The following CTNNA3 variants were observed in gnomAD, a reference collection of about 807,000 sequenced individuals.
CTNNA3 encodes catenin alpha-3.
A neutral mutation model predicts 95.7 loss-of-function variants in CTNNA3; 76 were observed. The observed-to-expected ratio is 0.79, with a 90% confidence interval of 0.66 to 0.96. The LOEUF is 0.96. Ranked by LOEUF, CTNNA3 falls within the 40% of genes least tolerant of loss-of-function variation. The pLI is 0.00. For missense variants in CTNNA3, 1,191 were observed against 1,089.8 expected, an observed-to-expected ratio of 1.09 and a Z score of -1.31; for synonymous variants, 431 against 374.4, an observed-to-expected ratio of 1.15 and a Z score of -1.74.
intron 15 of CTNNA3, among the ~76,000 whole-genome samples, chr10:66,001,100 A>C (rs533016148): frequency 1.6e-4 from 24 of 152,276 alleles, no homozygotes; most frequent in Admixed American, 1.4e-3. Context: ...CAAGGAATAC[A>C]GCCTAAATCT....
chr10:67,417,428 C>A (rs796387610), intron 5 of CTNNA3, among the ~76,000 whole-genome samples: 3 of 152,216 alleles, frequency 2.0e-5, no homozygotes, highest in Middle Eastern at 6.8e-3. Context: ...TGCACATGTA[C>A]CCCCTGTATC....
At chr10:66,145,662 G>A (rs1010532556) in intron 13 of CTNNA3, among the ~76,000 whole-genome samples, 1 of 152,152 alleles carries the variant, frequency 6.6e-6, no homozygotes, top group African/African-American at 2.4e-5. Flanking sequence ...TGGACCTGCT[G>A]AGCCAGCTTA....
At chr10:66,097,856 T>C (rs942575831) in intron 14 of CTNNA3, 3 of 152,172 alleles carry the variant, frequency 2.0e-5, no homozygotes, top group African/African-American at 4.8e-5. Context: ...ATTCTCGTTT[T>C]ATTGAAACAT....
intron 1 of CTNNA3, among the ~76,000 whole-genome samples, chr10:67,690,177 T>C (rs1840815222): frequency 6.6e-6 from 1 of 152,128 alleles, no homozygotes; most frequent in Non-Finnish European, 1.5e-5. Flanking sequence ...ACCTTCACAG[T>C]GAGTGTTACG....
At position 66,505,813 on chromosome 10, in the gene CTNNA3, C is replaced by T. The variant is rs185567473; in HGVS notation, c.1531+14804G>A. On this transcript the variant is annotated intron_variant, in intron 11 of 17. Transcript: ENST00000433211. ...ATCACTTACTTCTACAAGAAGTTGGCGTCTGGAGATGGTGTTCTAAAAACT... is the reference window on the plus strand; with the variant it reads ...ATCACTTACTTCTACAAGAAGTTGGTGTCTGGAGATGGTGTTCTAAAAACT... Among the ~76,000 whole-genome samples the T allele has an allele frequency of 5.2e-4, 79 of 152,148 alleles. 1 individual carries two copies. The highest frequency in any genetic ancestry group is 1.2e-3 in the African/African-American group (50 of 41,490).
intron 9 of CTNNA3, among the ~76,000 whole-genome samples, chr10:66,714,006 A>C (rs1463448395): frequency 6.6e-6 from 1 of 152,148 alleles, no homozygotes; most frequent in African/African-American, 2.4e-5. Context: ...GATAGAATAT[A>C]ATGAAGTAAA....
At chr10:67,371,499 A>G (rs1356145196) in intron 5 of CTNNA3, among the ~76,000 whole-genome samples, 1 of 150,886 alleles carries the variant, frequency 6.6e-6, no homozygotes, top group Non-Finnish European at 1.5e-5. Context: ...TTGTCCTTGC[A>G]ATAGTTTGCT....
intron 6 of CTNNA3, among the ~76,000 whole-genome samples, chr10:67,209,133 C>T (rs1001866239): frequency 6.6e-6 from 1 of 152,168 alleles, no homozygotes; most frequent in African/African-American, 2.4e-5. Context: ...ACTGCAACCT[C>T]TGCCTCCTGA....
chr10:66,760,736 A>C (rs1374374737), intron 9 of CTNNA3, among the ~76,000 whole-genome samples: 1 of 152,178 alleles, frequency 6.6e-6, no homozygotes, highest in East Asian at 1.9e-4. Flanking sequence ...CTCACCGTGC[A>C]TTTGGTTAGG....
At chr10:66,070,259 C>A (rs1041414228) in intron 14 of CTNNA3, among the ~76,000 whole-genome samples, 4 of 152,146 alleles carry the variant, frequency 2.6e-5, no homozygotes, top group Non-Finnish European at 4.4e-5. Flanking sequence ...AGAGGAGCAA[C>A]TTTTACTACT....
rs1465722076 is a variant in CTNNA3 at position 67,073,678 on chromosome 10, G to A, written c.1047+106639C>T. ...AGAGATACAAAAGAAGTTATCTAGTGAGGTGTTTTTAAAAGCACATGAACA... is the reference window on the plus strand; with the variant it reads ...AGAGATACAAAAGAAGTTATCTAGTAAGGTGTTTTTAAAAGCACATGAACA... On this transcript the variant is annotated intron_variant, in intron 7 of 17. Transcript: ENST00000433211. 2.6e-5 allele frequency among the ~76,000 whole-genome samples: 4 copies of A among 151,974 alleles called. No homozygotes were observed. In the East Asian group the frequency reaches 7.7e-4, roughly 29 times the overall value.
intron 11 of CTNNA3, among the ~76,000 whole-genome samples, chr10:66,500,233 G>A (rs1344638627): frequency 6.6e-6 from 1 of 151,900 alleles, no homozygotes; most frequent in African/African-American, 2.4e-5. Context: ...ATTGATACTA[G>A]CAAATTATAA....
At chr10:66,204,413 C>G (rs532591363) in intron 13 of CTNNA3, among the ~76,000 whole-genome samples, 1 of 152,072 alleles carries the variant, frequency 6.6e-6, no homozygotes, top group African/African-American at 2.4e-5. Flanking sequence ...CTTTATTTTA[C>G]AGATTAAAGA....
chr10:66,430,521 A>T (rs1396427449), intron 11 of CTNNA3, among the ~76,000 whole-genome samples: 5 of 152,224 alleles, frequency 3.3e-5, no homozygotes, highest in African/African-American at 1.2e-4. Flanking sequence ...GGCTACAGTA[A>T]CCAAAACAGC....
At chr10:67,525,296 G>A (rs1352049641) in intron 4 of CTNNA3, among the ~76,000 whole-genome samples, 4 of 151,840 alleles carry the variant, frequency 2.6e-5, no homozygotes, top group Non-Finnish European at 5.9e-5. Flanking sequence ...AGCACTTGCT[G>A]GAAAAGTAAG....
At chr10:67,032,694 C>T (rs1177791092) in intron 7 of CTNNA3, among the ~76,000 whole-genome samples, 1 of 152,154 alleles carries the variant, frequency 6.6e-6, no homozygotes, top group African/African-American at 2.4e-5. Flanking sequence ...ATGTTTAAGG[C>T]TTCTAGCTTC....
intron 1 of CTNNA3, among the ~76,000 whole-genome samples, chr10:67,757,547 C>T (rs1841440700): frequency 6.6e-6 from 1 of 152,228 alleles, no homozygotes; most frequent in Non-Finnish European, 1.5e-5. Context: ...TTGGAAAGAA[C>T]AGACTTGCTG....
intron 11 of CTNNA3, among the ~76,000 whole-genome samples, chr10:66,441,718 A>C (rs953616958): frequency 2.0e-5 from 3 of 152,218 alleles, no homozygotes; most frequent in African/African-American, 7.2e-5. Context: ...TCCAGAATAT[A>C]AAAACACTGT....
At chr10:65,979,246 G>A (rs112567738) in intron 16 of CTNNA3, among the ~76,000 whole-genome samples, 34 of 152,196 alleles carry the variant, frequency 2.2e-4, no homozygotes, top group African/African-American at 7.2e-4. Flanking sequence ...ACAAATTAAA[G>A]ACAAGATGTT....
Sources: gnomAD v4.1 joint callset for allele counts (sites outside exome capture counted in the v4.1 genomes callset) on GRCh38, gnomAD v4.1.1 for gene constraint, MANE v1.5 for transcripts, NCBI Gene and HGNC (gene_info 2026-07-23, HGNC 2026-07-21) for gene names.